Variants in ANTXR1 observed in about 807,000 individuals in gnomAD.
ANTXR1 encodes the protein ANTXR cell adhesion molecule 1.
ANTXR1 carries 19 observed loss-of-function variants against 78.1 expected under a neutral mutation model. The ratio of observed to expected loss-of-function variants is 0.24; its 90% CI spans 0.17 to 0.36. The LOEUF is 0.36. Ranked by LOEUF, ANTXR1 falls within the 10% of genes least tolerant of loss-of-function variation. The pLI, the probability that ANTXR1 is intolerant of heterozygous loss-of-function variation, is 1.00. For synonymous variants in ANTXR1, 273 were observed against 260.5 expected (o/e 1.05, Z -0.46); for missense variants, 518 against 718.6 (o/e 0.72, Z 3.19).
intron 17 of ANTXR1, among the ~76,000 whole-genome samples, chr2:69,219,797 A>T (rs1041384755): frequency 2.6e-5 from 4 of 152,100 alleles, no homozygotes; most frequent in Non-Finnish European, 4.4e-5. Context: ...TTGTCCTAGA[A>T]AGCTTCCCAG....
chr2:69,178,530 A>G (rs1041410997), intron 14 of ANTXR1, among the ~76,000 whole-genome samples: 2 of 151,968 alleles, frequency 1.3e-5, no homozygotes, highest in Admixed American at 6.5e-5. Flanking sequence ...GGGAGGAGCC[A>G]GGGACTAGAG....
At chr2:69,048,376 A>C (rs1253042242) in intron 3 of ANTXR1, among the ~76,000 whole-genome samples, 1 of 152,140 alleles carries the variant, frequency 6.6e-6, no homozygotes, top group African/African-American at 2.4e-5. Flanking sequence ...TATTCTTTTA[A>C]TGTATATCTG....
chr2:69,118,232 G>A (rs1672215133), intron 10 of ANTXR1, among the ~76,000 whole-genome samples: 1 of 142,370 alleles, frequency 7.0e-6, no homozygotes, highest in Non-Finnish European at 1.5e-5. Context: ...GCAACATAGG[G>A]GACCTTGTCT....
intron 9 of ANTXR1, among the ~76,000 whole-genome samples, chr2:69,098,332 C>T (rs902528212): frequency 2.6e-5 from 4 of 152,202 alleles, no homozygotes; most frequent in African/African-American, 9.7e-5. Context: ...CATTATATGT[C>T]AGTCCCTACA....
intron 12 of ANTXR1, among the ~76,000 whole-genome samples, chr2:69,136,345 T>G (rs1034539043): frequency 6.6e-6 from 1 of 152,194 alleles, no homozygotes; most frequent in Admixed American, 6.5e-5. Context: ...TATTCTTTTT[T>G]AAGTACACTT....
intron 1 of ANTXR1, among the ~76,000 whole-genome samples, chr2:69,014,933 G>A (rs1368553828): frequency 4.6e-5 from 7 of 152,142 alleles, no homozygotes; most frequent in Non-Finnish European, 1.0e-4. Context: ...CAGTGCTAAG[G>A]AATGGAATTT....
intron 1 of ANTXR1, among the ~76,000 whole-genome samples, chr2:69,014,710 T>A (rs1243206775): frequency 6.6e-6 from 1 of 151,988 alleles, no homozygotes; most frequent in Non-Finnish European, 1.5e-5. Flanking sequence ...GTTACAGTGG[T>A]GGGGAGATGG....
chr2:69,226,723 C>A (rs1338419490), intron 17 of ANTXR1, among the ~76,000 whole-genome samples: 2 of 152,164 alleles, frequency 1.3e-5, no homozygotes, highest in Admixed American at 1.3e-4. Context: ...TCTGCTGAGT[C>A]CACTTTTAAT....
intron 13 of ANTXR1, among the ~76,000 whole-genome samples, chr2:69,162,209 A>G (rs534031647): frequency 3.3e-5 from 5 of 152,192 alleles, no homozygotes; most frequent in Non-Finnish European, 7.4e-5. Context: ...ATCTGACCCT[A>G]AAGCAGTGGC....
intron 12 of ANTXR1, 59 bp from the exon 13 acceptor site, chr2:69,152,110 G>A (rs1673414599): frequency 6.6e-7 from 1 of 1,521,822 alleles, no homozygotes; most frequent in Non-Finnish European, 9.1e-7. Context: ...GGAGTTTGGG[G>A]AGGGAAGATC....
intron 17 of ANTXR1, among the ~76,000 whole-genome samples, chr2:69,200,807 C>T (rs1674757060): frequency 6.6e-6 from 1 of 152,158 alleles, no homozygotes; most frequent in African/African-American, 2.4e-5. Flanking sequence ...ACTGTATGAA[C>T]TGCAAATGTT....
chr2:69,088,212 T>C (rs997176167), intron 8 of ANTXR1, among the ~76,000 whole-genome samples: 2 of 152,212 alleles, frequency 1.3e-5, no homozygotes, highest in Admixed American at 1.3e-4. Flanking sequence ...GATCCACGGA[T>C]GGTTCCTTTA....
intron 3 of ANTXR1, among the ~76,000 whole-genome samples, chr2:69,046,768 T>G (rs1341597071): frequency 1.3e-5 from 2 of 152,190 alleles, no homozygotes; most frequent in African/African-American, 2.4e-5. Context: ...TGACTTGCAG[T>G]GTTTTAGTTG....
Position 69,013,799 on chromosome 2 carries a change from C to A in ANTXR1, c.152+148C>A. ...CCGCGCGGCAGGCGGCGGCGGAGTG[C>A]TGCGCCTTTGTTGGGGCGCGCTCCT... is the stretch of plus-strand genomic sequence containing the variant. On this transcript the variant is annotated intron_variant, in intron 1 of 17. Coordinates refer to ENST00000303714, the MANE Select transcript of ANTXR1 (RefSeq NM_032208.3). This position sits in a 1 kb window ranked among gnomAD's most constrained non-coding sequence, Gnocchi z 5.0. 7.2e-7 allele frequency: 1 copy of A among 1,384,236 alleles called. No homozygotes were observed. The highest frequency in any genetic ancestry group is 1.0e-6 in the Non-Finnish European group (1 of 1,003,558). The allele number at this position is 1,384,236 out of a possible 1,614,324, so 85.7% of individuals were successfully genotyped here.
chr2:69,111,645 T>C (rs1245453113), intron 10 of ANTXR1, among the ~76,000 whole-genome samples: 2 of 152,246 alleles, frequency 1.3e-5, no homozygotes, highest in Non-Finnish European at 2.9e-5. Context: ...TTGCACACTC[T>C]CAAAGGATAA....
At chr2:69,178,185 C>G (rs958864233) in intron 14 of ANTXR1, among the ~76,000 whole-genome samples, 24 of 152,214 alleles carry the variant, frequency 1.6e-4, no homozygotes, top group African/African-American at 5.6e-4. Context: ...GGATTCTACT[C>G]CGTCCATTTT....
At chr2:69,238,779 C>T (rs1019651669) in intron 17 of ANTXR1, among the ~76,000 whole-genome samples, 9 of 152,180 alleles carry the variant, frequency 5.9e-5, no homozygotes, top group East Asian at 3.8e-4. Context: ...TATACTTTTA[C>T]GATCTAATTA....
intron 10 of ANTXR1, among the ~76,000 whole-genome samples, chr2:69,105,264 C>G (rs1671767769): frequency 6.6e-6 from 1 of 152,208 alleles, no homozygotes; most frequent in Non-Finnish European, 1.5e-5. Context: ...ACAGGCTTGT[C>G]ACCTCATTCA....
At chr2:69,041,456 G>A (rs1050523963) in intron 2 of ANTXR1, among the ~76,000 whole-genome samples, 1 of 152,196 alleles carries the variant, frequency 6.6e-6, no homozygotes, top group African/African-American at 2.4e-5. Flanking sequence ...CACAGTAACT[G>A]CTCTGTGTCT....
Sources: gnomAD v4.1 joint callset for allele counts (sites outside exome capture counted in the v4.1 genomes callset) on GRCh38, gnomAD v4.1.1 for gene constraint, Gnocchi (gnomAD v3.1) non-coding constraint, MANE v1.5 for transcripts, NCBI Gene and HGNC (gene_info 2026-07-23, HGNC 2026-07-21) for gene names.